Variants in RYR2 observed in about 807,000 individuals in gnomAD.
RYR2 encodes the protein cardiac muscle ryanodine receptor-calcium release channel.
In RYR2, 227 loss-of-function variants were observed where a neutral mutation model predicts 601.1. That is an observed-to-expected ratio of 0.38 (90% CI 0.34 to 0.42). The LOEUF is 0.42. Among genes scored for constraint, RYR2 ranks in the 10% least tolerant of loss-of-function variants. The probability of loss-of-function intolerance (pLI) is 1.00; values close to 1 mark genes in which losing one functional copy is unlikely to be tolerated. For synonymous variants in RYR2, 2,223 were observed against 2,175.1 expected (o/e 1.02, Z -0.61); for missense variants, 4,646 against 6,156.5 (o/e 0.75, Z 8.21).
chr1:237,364,731 G>A (rs1318371155), intron 5 of RYR2, among the ~76,000 whole-genome samples: 1 of 152,070 alleles, frequency 6.6e-6, no homozygotes, highest in Non-Finnish European at 1.5e-5. Context: ...CTAACATTAA[G>A]AATTTCTCTT....
rs2805390 is a variant in RYR2, at chr1:237,566,824, A to G, written c.3423+49A>G. On this transcript the variant is annotated intron_variant, in intron 28 of 104. Coordinates refer to ENST00000366574, the MANE Select transcript of RYR2 (RefSeq NM_001035.3). ...AGTCATCTGTACGTGCTGGAGGCTC[A>G]TCTCCTCTGCTGTTCCTCTTGGTAG... The G allele has an allele frequency of 0.96, 1,533,001 of 1,591,350 alleles. 740,400 individuals are homozygous for G. The highest frequency in any genetic ancestry group is 1 in the East Asian group (44,717 of 44,728).
chr1:237,103,886 C>T (rs1668391098), intron 1 of RYR2, among the ~76,000 whole-genome samples: 2 of 152,070 alleles, frequency 1.3e-5, no homozygotes, highest in South Asian at 4.1e-4. Flanking sequence ...ATTCTTTGAA[C>T]ACCTGTTAGC....
rs11331089 is a variant in RYR2, at chr1:237,589,774, ATT to A, written c.3599-10_3599-9del. 20 of 1,579,108 alleles carry A rather than the reference ATT, an allele frequency of 1.3e-5. No individual in the cohort carries two copies. Among genetic ancestry groups the A allele is most frequent in the Admixed American group, 3.4e-5 (2 of 58,654 alleles). On this transcript the variant is annotated splice_polypyrimidine_tract_variant and intron_variant, in intron 29 of 104. Coordinates refer to ENST00000366574, the MANE Select transcript of RYR2 (RefSeq NM_001035.3). Reference sequence around the variant, plus strand: ...CATATACTAATGGTACTAAAACTTGATTTTTTTTTTCTTCCCAGGATTCATAC... The same window carrying A: ...CATATACTAATGGTACTAAAACTTGATTTTTTTTCTTCCCAGGATTCATAC...
chr1:237,128,507 A>C (rs1671792217), intron 1 of RYR2, among the ~76,000 whole-genome samples: 1 of 152,310 alleles, frequency 6.6e-6, no homozygotes, highest in South Asian at 2.1e-4. Flanking sequence ...AGTAGGGTGA[A>C]TAAGGGAGTG....
At chr1:237,188,101 C>T (rs1035540974) in intron 1 of RYR2, among the ~76,000 whole-genome samples, 4 of 152,186 alleles carry the variant, frequency 2.6e-5, no homozygotes, top group Non-Finnish European at 5.9e-5. Flanking sequence ...TGAAATAGAT[C>T]TGGCCTCATT....
At chr1:237,391,772 T>C (rs1261163389) in intron 10 of RYR2, among the ~76,000 whole-genome samples, 2 of 152,158 alleles carry the variant, frequency 1.3e-5, no homozygotes, top group Non-Finnish European at 2.9e-5. Context: ...CTATTCATTC[T>C]CCTAAAGAAT....
At chr1:237,187,232 G>C (rs9660359) in intron 1 of RYR2, among the ~76,000 whole-genome samples, 2 of 150,226 alleles carry the variant, frequency 1.3e-5, no homozygotes, top group African/African-American at 4.9e-5. Flanking sequence ...GTGCAGTGGC[G>C]TGATCTCAGC....
intron 2 of RYR2, among the ~76,000 whole-genome samples, chr1:237,291,987 T>C (rs531980104): frequency 2.0e-4 from 30 of 152,282 alleles, no homozygotes; most frequent in South Asian, 4.1e-4. Context: ...TGAAAGATAC[T>C]GATAGTGGGG....
chr1:237,213,989 C>T (rs1478045750), intron 1 of RYR2, among the ~76,000 whole-genome samples: 2 of 132,220 alleles, frequency 1.5e-5, no homozygotes, highest in African/African-American at 5.6e-5. Context: ...GGTGTGATCT[C>T]AGCTCACAAC....
chr1:237,722,478 G>A, intron 73 of RYR2, among the ~76,000 whole-genome samples: 1 of 149,710 alleles, frequency 6.7e-6, no homozygotes. Context: ...CTGTCGCCCA[G>A]GCTGGAGTGC....
intron 2 of RYR2, among the ~76,000 whole-genome samples, chr1:237,279,970 CA>C (rs1417418466): frequency 6.6e-6 from 1 of 152,112 alleles, no homozygotes; most frequent in African/African-American, 2.4e-5. Context: ...ATCAGGTTTC[CA>C]AAAAGGAAGC....
chr1:237,087,848 T>G (rs1666522693), intron 1 of RYR2, among the ~76,000 whole-genome samples: 1 of 152,194 alleles, frequency 6.6e-6, no homozygotes, highest in South Asian at 2.1e-4. Context: ...GTGATTTTCA[T>G]CTCAGAAGTT....
intron 3 of RYR2, among the ~76,000 whole-genome samples, chr1:237,339,004 G>A (rs1033281942): frequency 6.6e-6 from 1 of 152,102 alleles, no homozygotes; most frequent in South Asian, 2.1e-4. Context: ...AACACTTGAT[G>A]TTCATCCATT....
At chr1:237,363,992 G>A (rs945626948) in intron 4 of RYR2, among the ~76,000 whole-genome samples, 2 of 152,082 alleles carry the variant, frequency 1.3e-5, no homozygotes, top group Non-Finnish European at 2.9e-5. Flanking sequence ...GCATTTTTAT[G>A]CAAAAGATGC....
chr1:237,236,341 T>TA (rs1685551785), intron 1 of RYR2, among the ~76,000 whole-genome samples: 1 of 151,738 alleles, frequency 6.6e-6, no homozygotes, highest in African/African-American at 2.4e-5. Context: ...ATCATTAATT[T>TA]TTTTCTTAGG....
At chr1:237,722,084 G>A (rs983098104) in intron 73 of RYR2, among the ~76,000 whole-genome samples, 16 of 152,056 alleles carry the variant, frequency 1.1e-4, no homozygotes, top group Non-Finnish European at 1.5e-4. Flanking sequence ...GAAATTAAGC[G>A]CTGTTGTAGA....
rs397516536 is a variant in RYR2 at position 237,610,848 on chromosome 1, C to T, written c.4770C>T (p.Phe1590=). 2 of 1,613,296 alleles carry T rather than the reference C, an allele frequency of 1.2e-6. No individual in the cohort carries two copies. Among genetic ancestry groups the T allele is most frequent in the South Asian group, 2.2e-5 (2 of 90,864 alleles). ...GCCCCCCGCGCCTCCACGTGCAGTT[C>T]CTGTCACACGTCCTGTGGAGCAGAA... ...PQCPPRLHVQ[F]LSHVLWSRMP... The change falls in exon 36 of 105, where the codon TTC becomes TTT. Residue 1590 remains phenylalanine, a synonymous_variant. Transcript: ENST00000366574. The surrounding 1 kb of genome is among the most constrained non-coding windows in gnomAD (Gnocchi z 4.9).
chr1:237,190,201 A>G (rs1679822070), intron 1 of RYR2, among the ~76,000 whole-genome samples: 1 of 152,066 alleles, frequency 6.6e-6, no homozygotes, highest in Non-Finnish European at 1.5e-5. Flanking sequence ...ACTGTTTTCT[A>G]TAATGGCTGC....
rs1660634629 is a variant in RYR2 at position 237,046,585 on chromosome 1, A to C, written c.48+4016A>C. On this transcript the variant is annotated intron_variant, in intron 1 of 104. Transcript: ENST00000366574. ...ACATCATCAGACTTATTTTATTTTA[A>C]CTTAGAAATTAGCATGTACACATTG... Among the ~76,000 whole-genome samples the C allele has an allele frequency of 2.6e-5, 4 of 152,236 alleles. No individual in the cohort carries two copies. The South Asian group carries it at 8.3e-4, about 31-fold the overall frequency.
Sources: allele counts gnomAD v4.1 joint callset (sites outside exome capture counted in the v4.1 genomes callset), GRCh38; gene constraint gnomAD v4.1.1; non-coding constraint Gnocchi (gnomAD v3.1); transcripts MANE v1.5; gene names NCBI Gene and HGNC (gene_info 2026-07-23, HGNC 2026-07-21).